Variants in DIAPH3 observed in about 807,000 individuals in gnomAD.
DIAPH3 encodes the protein diaphanous related formin 3.
Under a neutral mutation model 144.3 loss-of-function variants are expected in DIAPH3, and 117 were observed. That is an observed-to-expected ratio of 0.81 (90% CI 0.70 to 0.95). The LOEUF is 0.95. Among genes scored for constraint, DIAPH3 ranks in the 40% least tolerant of loss-of-function variants. DIAPH3 has a pLI of 0.00. For missense variants in DIAPH3, 1,421 were observed against 1,412.7 expected, an observed-to-expected ratio of 1.01 and a Z score of -0.09; for synonymous variants, 519 against 488.9, an observed-to-expected ratio of 1.06 and a Z score of -0.81.
chr13:59,776,949 C>CA lies in DIAPH3; in HGVS notation c.3164-2127dup, dbSNP rs370913061. 8.3e-3 allele frequency among the ~76,000 whole-genome samples: 1,223 copies of CA among 146,924 alleles called. 24 individuals are homozygous for CA. Among genetic ancestry groups the CA allele is most frequent in the African/African-American group, 0.029 (1,154 of 40,036 alleles). ...AAAACAAAACAAACAAACAAACAAA[C>CA]AAAAAAACCCTTTTCCTATAACACT... On this transcript the variant is annotated intron_variant, in intron 25 of 27. Coordinates refer to ENST00000400324, the MANE Select transcript of DIAPH3 (RefSeq NM_001042517.2).
intron 27 of DIAPH3, among the ~76,000 whole-genome samples, chr13:59,750,723 C>T (rs1202536466): frequency 6.6e-6 from 1 of 152,166 alleles, no homozygotes; most frequent in African/African-American, 2.4e-5. Flanking sequence ...CACGGTAATG[C>T]AGTTTTAGAT....
At chr13:59,827,055 G>A (rs1184692003) in intron 24 of DIAPH3, among the ~76,000 whole-genome samples, 1 of 152,206 alleles carries the variant, frequency 6.6e-6, no homozygotes, top group African/African-American at 2.4e-5. Flanking sequence ...AGACTTAAAC[G>A]TTAGACCTAA....
At chr13:59,708,509 C>T (rs139058934) in intron 27 of DIAPH3, among the ~76,000 whole-genome samples, 13 of 152,302 alleles carry the variant, frequency 8.5e-5, no homozygotes, top group African/African-American at 3.1e-4. Context: ...GATTTCTCAG[C>T]AGACGGGACA....
chr13:59,925,848 T>TGAA (rs1371236374), intron 17 of DIAPH3, among the ~76,000 whole-genome samples: 1 of 152,184 alleles, frequency 6.6e-6, no homozygotes. Context: ...ACAATCCTTT[T>TGAA]TATTTCTGTG....
chr13:60,145,377 C>T (rs1220362969), intron 1 of DIAPH3, among the ~76,000 whole-genome samples: 8 of 152,226 alleles, frequency 5.3e-5, no homozygotes, highest in Non-Finnish European at 7.3e-5. Flanking sequence ...TAAAACCAGG[C>T]GCAGTGGCTC....
At chr13:59,991,828 T>C (rs1368727797) in intron 11 of DIAPH3, among the ~76,000 whole-genome samples, 1 of 151,954 alleles carries the variant, frequency 6.6e-6, no homozygotes, top group African/African-American at 2.4e-5. Flanking sequence ...ACAAAATAGA[T>C]TGCACACATA....
intron 22 of DIAPH3, among the ~76,000 whole-genome samples, chr13:59,844,321 G>A (rs2042506927): frequency 6.6e-6 from 1 of 151,582 alleles, no homozygotes; most frequent in Non-Finnish European, 1.5e-5. Context: ...TAGCTAACAC[G>A]GGGAAACCCC....
chr13:59,926,805 C>A (rs1488217409), intron 17 of DIAPH3, among the ~76,000 whole-genome samples: 1 of 152,058 alleles, frequency 6.6e-6, no homozygotes, highest in Admixed American at 6.6e-5. Context: ...GTGTTGTGCA[C>A]CTACTGGATG....
rs192441817 is a variant in DIAPH3 at position 60,006,761 on chromosome 13, A to T, written c.1014+1783T>A. 3.3e-5 allele frequency among the ~76,000 whole-genome samples: 5 copies of T among 152,190 alleles called. No homozygotes were observed. In the East Asian group the frequency reaches 9.6e-4, roughly 29 times the overall value. On this transcript the variant is annotated intron_variant, in intron 9 of 27. Coordinates refer to ENST00000400324, the MANE Select transcript of DIAPH3 (RefSeq NM_001042517.2). ...AATGAGGCTAGCAGTACATGAATTA[A>T]AAGACTCTAGTCTCTCAAGCAACTA... is the stretch of plus-strand genomic sequence containing the variant.
At chr13:59,791,597 G>A (rs1051902344) in intron 25 of DIAPH3, among the ~76,000 whole-genome samples, 20 of 152,244 alleles carry the variant, frequency 1.3e-4, no homozygotes, top group African/African-American at 4.6e-4. Context: ...CTTTTATTGA[G>A]AGAGGTGTTA....
chr13:59,809,559 T>A (rs1033067609), intron 25 of DIAPH3, among the ~76,000 whole-genome samples: 4 of 151,390 alleles, frequency 2.6e-5, no homozygotes, highest in Admixed American at 2.6e-4. Context: ...AATTAGGAAG[T>A]AATATATTAA....
At chr13:59,905,274 C>T (rs2046664552) in intron 20 of DIAPH3, among the ~76,000 whole-genome samples, 1 of 145,936 alleles carries the variant, frequency 6.9e-6, no homozygotes, top group Non-Finnish European at 1.5e-5. Flanking sequence ...ACCCGGGAGC[C>T]GGAGCTTGCA....
At chr13:59,869,335 C>A (rs1203194933) in intron 21 of DIAPH3, among the ~76,000 whole-genome samples, 3 of 152,132 alleles carry the variant, frequency 2.0e-5, no homozygotes, top group African/African-American at 2.4e-5. Context: ...AATTACAACT[C>A]CATCCTCTTA....
At chr13:60,084,256 T>C (rs2057677146) in intron 4 of DIAPH3, among the ~76,000 whole-genome samples, 1 of 152,208 alleles carries the variant, frequency 6.6e-6, no homozygotes, top group African/African-American at 2.4e-5. Context: ...TATTTACTTA[T>C]CTGTGTGGTA....
intron 4 of DIAPH3, among the ~76,000 whole-genome samples, chr13:60,068,132 ATTGT>A (rs1594570758): frequency 6.6e-6 from 1 of 152,240 alleles, no homozygotes; most frequent in East Asian, 1.9e-4. Flanking sequence ...TTTGTTTCCA[ATTGT>A]TTAACAGCAG....
chr13:60,060,009 A>G (rs2056705400), intron 4 of DIAPH3, among the ~76,000 whole-genome samples: 1 of 152,044 alleles, frequency 6.6e-6, no homozygotes, highest in Admixed American at 6.6e-5. Context: ...ATTTGCCTCC[A>G]CAGTTCAGAG....
intron 21 of DIAPH3, among the ~76,000 whole-genome samples, chr13:59,868,519 T>C (rs2139983155): frequency 6.6e-6 from 1 of 152,306 alleles, no homozygotes; most frequent in East Asian, 1.9e-4. Context: ...GTAAACATTT[T>C]ACATTAGTGT....
intron 1 of DIAPH3, among the ~76,000 whole-genome samples, chr13:60,161,610 A>G (rs1439859911): frequency 6.6e-6 from 1 of 152,238 alleles, no homozygotes; most frequent in African/African-American, 2.4e-5. Flanking sequence ...AAAGAAAAGC[A>G]TCTCTGGAAT....
chr13:60,053,250 G>A lies in DIAPH3; in HGVS notation c.496-10430C>T, dbSNP rs76429152. On this transcript the variant is annotated intron_variant, in intron 4 of 27. Transcript: ENST00000400324. ...CGGGGAGGAAGGAAAGGATACTCAC[G>A]GCTGCATATCTTTAAGTCCATTAGC... is the stretch of plus-strand genomic sequence containing the variant. Among the ~76,000 whole-genome samples the A allele has an allele frequency of 7.6e-3, 1,159 of 152,004 alleles. 16 individuals are homozygous for A. Among genetic ancestry groups the A allele is most frequent in the African/African-American group, 0.026 (1,070 of 41,476 alleles).
Sources: allele counts gnomAD v4.1 joint callset (sites outside exome capture counted in the v4.1 genomes callset), GRCh38; gene constraint gnomAD v4.1.1; transcripts MANE v1.5; gene names NCBI Gene and HGNC (gene_info 2026-07-23, HGNC 2026-07-21).